Variants in CORIN observed in about 807,000 individuals in gnomAD.
CORIN encodes corin, serine peptidase, also known as atrial natriuretic peptide-converting enzyme.
CORIN carries 117 observed loss-of-function variants against 125.3 expected under a neutral mutation model. The ratio of observed to expected loss-of-function variants is 0.93; its 90% CI spans 0.80 to 1.09. The LOEUF (loss-of-function observed/expected upper bound fraction) is 1.09, where lower values mean the gene tolerates loss of function less well. CORIN is among the 50% of genes least tolerant of loss of function. CORIN has a pLI of 0.00. For synonymous variants in CORIN, 450 were observed against 466.4 expected (o/e 0.96, Z 0.45); for missense variants, 1,253 against 1,306.7 (o/e 0.96, Z 0.63).
chr4:47,639,839 T>A (rs922499464), intron 16 of CORIN, among the ~76,000 whole-genome samples: 1 of 152,196 alleles, frequency 6.6e-6, no homozygotes, highest in Non-Finnish European at 1.5e-5. Flanking sequence ...GATAGCCTCA[T>A]CTTGACCATT....
chr4:47,710,763 T>G (rs1726804549), intron 5 of CORIN, among the ~76,000 whole-genome samples: 1 of 152,252 alleles, frequency 6.6e-6, no homozygotes, highest in Admixed American at 6.5e-5. Context: ...GGCACAAGCA[T>G]GGGCTTTGGG....
In CORIN at chr4:47,683,784, A is replaced by G; in HGVS notation, c.968T>C (p.Leu323Pro). Residue 323 changes from leucine (L) to proline (P), a missense_variant, in exon 7 of 22, where the codon CTT becomes CCT. Leu to Pro is a moderately conservative substitution (Grantham distance 98). Coordinates refer to ENST00000273857, the MANE Select transcript of CORIN (RefSeq NM_006587.4). ...CHTGKCLNYSLVCDGYDDCGD... is the reference protein window; with the variant it reads ...CHTGKCLNYSPVCDGYDDCGD... ...ACAGTCATCATATCCATCACACACA[A>G]GGCTGTAATTAAGGCACTTGCCTGT... 6.2e-7 allele frequency: 1 copy of G among 1,613,824 alleles called. No homozygotes were observed. Among genetic ancestry groups the G allele is most frequent in the Non-Finnish European group, 8.5e-7 (1 of 1,179,868 alleles).
chr4:47,739,898 T>G (rs1728310380), intron 5 of CORIN, among the ~76,000 whole-genome samples: 1 of 151,872 alleles, frequency 6.6e-6, no homozygotes, highest in Non-Finnish European at 1.5e-5. Context: ...AGACGTTAAT[T>G]TTAAGTTCCA....
chr4:47,787,601 G>T (rs1418979968), intron 2 of CORIN, among the ~76,000 whole-genome samples: 1 of 151,728 alleles, frequency 6.6e-6, no homozygotes, highest in Admixed American at 6.6e-5. Context: ...GTAATTATAT[G>T]AAATAAGAAA....
intron 19 of CORIN, among the ~76,000 whole-genome samples, chr4:47,615,711 A>G (rs1379713892): frequency 6.6e-6 from 1 of 152,144 alleles, no homozygotes; most frequent in African/African-American, 2.4e-5. Context: ...CTCTCTCAAC[A>G]CTCAGAAGGA....
intron 2 of CORIN, among the ~76,000 whole-genome samples, chr4:47,788,163 G>A (rs144866949): frequency 2.7e-4 from 41 of 152,260 alleles, no homozygotes; most frequent in African/African-American, 9.4e-4. Context: ...AGAGCCAAGG[G>A]AGATTTTCTT....
At chr4:47,762,966 T>C (rs1350035911) in intron 4 of CORIN, among the ~76,000 whole-genome samples, 2 of 152,214 alleles carry the variant, frequency 1.3e-5, no homozygotes, top group Admixed American at 1.3e-4. Context: ...CTGGCCATTA[T>C]TCCCCTTCAA....
chr4:47,674,329 C>A, intron 10 of CORIN, 64 bp downstream of exon 10: 1 of 1,124,090 alleles, frequency 8.9e-7, no homozygotes, highest in Non-Finnish European at 1.4e-6. Flanking sequence ...AATGTCAATG[C>A]AGAAGAAAAA....
intron 7 of CORIN, 29 bp from the exon 8 acceptor site, chr4:47,680,280 A>C: frequency 6.5e-7 from 1 of 1,532,054 alleles, no homozygotes. Context: ...ACGAGGATGC[A>C]GAGAACCAGC....
At chr4:47,748,353 G>A (rs1728755852) in intron 4 of CORIN, among the ~76,000 whole-genome samples, 1 of 152,194 alleles carries the variant, frequency 6.6e-6, no homozygotes, top group Admixed American at 6.5e-5. Context: ...CAGGGAAGGA[G>A]ACCACTTTAG....
intron 10 of CORIN, among the ~76,000 whole-genome samples, chr4:47,671,432 A>C (rs892413518): frequency 6.6e-6 from 1 of 152,228 alleles, no homozygotes; most frequent in Non-Finnish European, 1.5e-5. Context: ...GTAATGAACC[A>C]TATTTTCAAA....
intron 3 of CORIN, 98 bp from the exon 4 acceptor site, chr4:47,763,684 C>A: frequency 1.9e-6 from 2 of 1,068,874 alleles, no homozygotes. Context: ...GTATACTTAT[C>A]ACAAGAAAAA....
intron 5 of CORIN, among the ~76,000 whole-genome samples, chr4:47,740,787 G>A (rs1203645017): frequency 6.6e-6 from 1 of 151,922 alleles, no homozygotes; most frequent in East Asian, 1.9e-4. Flanking sequence ...TGAAAGTCCA[G>A]AAATAAACCC....
At chr4:47,666,034 G>A (rs564470873) in intron 10 of CORIN, among the ~76,000 whole-genome samples, 1 of 152,122 alleles carries the variant, frequency 6.6e-6, no homozygotes, top group Non-Finnish European at 1.5e-5. Flanking sequence ...AGGTGGTCAT[G>A]GTTCTAGCTG....
intron 7 of CORIN, chr4:47,681,145 T>C (rs762090024): frequency 6.6e-6 from 1 of 152,226 alleles, no homozygotes. Flanking sequence ...TCATGAATAA[T>C]AGATTCCATG....
chr4:47,734,952 A>G (rs1728056914), intron 5 of CORIN, among the ~76,000 whole-genome samples: 1 of 152,252 alleles, frequency 6.6e-6, no homozygotes, highest in Non-Finnish European at 1.5e-5. Flanking sequence ...GATACAGATT[A>G]AAATTATGGT....
intron 19 of CORIN, among the ~76,000 whole-genome samples, chr4:47,615,645 G>T (rs1209786028): frequency 3.9e-5 from 6 of 152,118 alleles, no homozygotes; most frequent in Non-Finnish European, 8.8e-5. Context: ...TGCTTCTACA[G>T]GCCAAGGAAT....
At chr4:47,656,053 C>T (rs1207043074) in intron 12 of CORIN, among the ~76,000 whole-genome samples, 7 of 151,902 alleles carry the variant, frequency 4.6e-5, no homozygotes, top group Admixed American at 4.6e-4. Flanking sequence ...AACTACACAC[C>T]AATTTCCTTG....
chr4:47,786,815 TGCTC>T lies in CORIN; in HGVS notation c.315_318del (p.Ser106LeufsTer34). The T allele has an allele frequency of 6.2e-7, 1 of 1,614,076 alleles. No homozygotes were observed. The highest frequency in any genetic ancestry group is 8.5e-7 in the Non-Finnish European group (1 of 1,179,934). ...TCGGGATGTGCAGTAGACACCACAG[TGCTC>T]TGGTTATAAATTGTATTTGTAAGAA... On this transcript the variant is annotated frameshift_variant, in exon 3 of 22. Coordinates refer to ENST00000273857, the MANE Select transcript of CORIN (RefSeq NM_006587.4). LOFTEE classifies it high-confidence loss of function.
Sources: gnomAD v4.1 joint callset for allele counts (sites outside exome capture counted in the v4.1 genomes callset) on GRCh38, gnomAD v4.1.1 for gene constraint, MANE v1.5 for transcripts, NCBI Gene and HGNC (gene_info 2026-07-23, HGNC 2026-07-21) for gene names.